The following DENND5A variants were observed in gnomAD, a reference collection of about 807,000 sequenced individuals.
The protein encoded by DENND5A is DENN domain-containing protein 5A.
DENND5A carries 64 observed loss-of-function variants against 140.3 expected under a neutral mutation model. The ratio of observed to expected loss-of-function variants is 0.46; its 90% CI spans 0.37 to 0.56. The LOEUF is 0.56. Among genes scored for constraint, DENND5A ranks in the 20% least tolerant of loss-of-function variants. DENND5A has a pLI of 0.00. For missense variants in DENND5A, 1,292 were observed against 1,593.8 expected (o/e 0.81, Z 3.22); for synonymous variants, 605 against 607.7 (o/e 1.00, Z 0.07).
chr11:9,262,258 A>G (rs1423102096), intron 1 of DENND5A, among the ~76,000 whole-genome samples: 1 of 152,200 alleles, frequency 6.6e-6, no homozygotes, highest in African/African-American at 2.4e-5. Flanking sequence ...ATATTACCCT[A>G]AACTCATGCT....
intron 6 of DENND5A, among the ~76,000 whole-genome samples, chr11:9,179,588 C>G (rs1466803222): frequency 6.6e-6 from 1 of 151,810 alleles, no homozygotes. Context: ...CAACCTCTGC[C>G]TCCCAGGTTC....
At chr11:9,177,084 G>C (rs1225189948) in intron 8 of DENND5A, among the ~76,000 whole-genome samples, 1 of 151,840 alleles carries the variant, frequency 6.6e-6, no homozygotes, top group African/African-American at 2.4e-5. Context: ...GCGAGACTCT[G>C]TCTCTAAAAA....
intron 4 of DENND5A, among the ~76,000 whole-genome samples, chr11:9,201,231 C>T (rs913568527): frequency 2.0e-5 from 3 of 150,992 alleles, no homozygotes; most frequent in African/African-American, 7.3e-5. Context: ...TTTAATTAGC[C>T]AGGCATGGTG....
chr11:9,155,329 T>C (rs569256125), intron 12 of DENND5A, among the ~76,000 whole-genome samples: 2 of 152,242 alleles, frequency 1.3e-5, no homozygotes, highest in African/African-American at 2.4e-5. Context: ...GATAAATTAA[T>C]AGAACTGTCT....
At chr11:9,207,260 T>G in intron 2 of DENND5A, 1 of 488,638 alleles carries the variant, frequency 2.0e-6, no homozygotes, top group East Asian at 4.5e-5. Context: ...ACGAAGCAGA[T>G]TTCAGGGTAA....
At chr11:9,170,042 A>T (rs1848320667) in intron 9 of DENND5A, 93 bp from the exon 10 acceptor site, 3 of 968,314 alleles carry the variant, frequency 3.1e-6, no homozygotes, top group Non-Finnish European at 4.9e-6. Context: ...ACTACGAGTC[A>T]ATGCTGGACA....
At chr11:9,158,212 T>C (rs922170856) in intron 12 of DENND5A, among the ~76,000 whole-genome samples, 2 of 152,146 alleles carry the variant, frequency 1.3e-5, no homozygotes, top group Non-Finnish European at 1.5e-5. Flanking sequence ...ACATTAATTA[T>C]CGAATCCACA....
At chr11:9,231,749 T>TGTTA (rs1850783424) in intron 1 of DENND5A, among the ~76,000 whole-genome samples, 2 of 148,440 alleles carry the variant, frequency 1.3e-5, no homozygotes, top group Admixed American at 6.8e-5. Flanking sequence ...GGGAGCTTCC[T>TGTTA]GTTAGTTTAC....
At chr11:9,231,659 G>A (rs1302328544) in intron 1 of DENND5A, among the ~76,000 whole-genome samples, 2 of 142,298 alleles carry the variant, frequency 1.4e-5, no homozygotes, top group African/African-American at 5.2e-5. Context: ...AGGTTGCAGT[G>A]AGCCGAGATC....
intron 1 of DENND5A, among the ~76,000 whole-genome samples, chr11:9,256,898 C>G (rs1357763553): frequency 6.6e-6 from 1 of 152,132 alleles, no homozygotes; most frequent in Non-Finnish European, 1.5e-5. Context: ...CGAATTATAT[C>G]TCAATAAAAT....
At position 9,203,730 on chromosome 11, in the gene DENND5A, G is replaced by T; in HGVS notation, c.879C>A (p.Leu293=). 1 of 1,614,080 alleles carries T rather than the reference G, an allele frequency of 6.2e-7. No homozygotes were observed. Among genetic ancestry groups the T allele is most frequent in the Non-Finnish European group, 8.5e-7 (1 of 1,180,010 alleles). Residue 293 remains leucine, a synonymous_variant, in exon 4 of 23, where the codon CTC becomes CTA. Transcript: ENST00000328194. ...DFPVKEVFEL[L]GVENVFQLFT... ...AAAGCTGAAACACATTCTCCACCCCGAGCAGTTCAAAAACCTCTTTGACAG... is the reference window on the plus strand; with the variant it reads ...AAAGCTGAAACACATTCTCCACCCCTAGCAGTTCAAAAACCTCTTTGACAG...
At chr11:9,259,955 C>T (rs1257699446) in intron 1 of DENND5A, among the ~76,000 whole-genome samples, 1 of 141,338 alleles carries the variant, frequency 7.1e-6, no homozygotes, top group Non-Finnish European at 1.5e-5. Flanking sequence ...TTGAACCAGA[C>T]AGGCAGAGGT....
At chr11:9,192,951 A>G (rs1039191576) in intron 5 of DENND5A, among the ~76,000 whole-genome samples, 15 of 152,244 alleles carry the variant, frequency 9.9e-5, no homozygotes, top group African/African-American at 3.6e-4. Flanking sequence ...TTAGCCAGGC[A>G]CAGTGGCTCA....
Position 9,160,870 on chromosome 11 carries a change from A to C in DENND5A, c.2284-5T>G. The C allele has an allele frequency of 6.2e-7, 1 of 1,613,678 alleles. No individual in the cohort carries two copies. The highest frequency in any genetic ancestry group is 8.5e-7 in the Non-Finnish European group (1 of 1,179,618). ...TTCCACCAGCATCCTCTTGGTCTAC[A>C]AGGAAGCAGTCAACAGGATTAAATA... On this transcript the variant is annotated splice_polypyrimidine_tract_variant and splice_region_variant and intron_variant, in intron 11 of 22. Coordinates refer to ENST00000328194, the MANE Select transcript of DENND5A (RefSeq NM_015213.4).
At chr11:9,173,428 G>A (rs1440107605) in intron 8 of DENND5A, among the ~76,000 whole-genome samples, 1 of 152,218 alleles carries the variant, frequency 6.6e-6, no homozygotes, top group African/African-American at 2.4e-5. Flanking sequence ...AAATGACCAT[G>A]TAGTGTTAGG....
rs1160698363 is a variant in DENND5A at position 9,197,718 on chromosome 11, C to T, written c.950-4037G>A. On this transcript the variant is annotated intron_variant, in intron 4 of 22. Coordinates refer to ENST00000328194, the MANE Select transcript of DENND5A (RefSeq NM_015213.4). ...TTAAAAAAAAGTGAGTTGGGGAGAA[C>T]CTTCAACTTTCTCTGCATTATTTGT... Among the ~76,000 whole-genome samples, 4 of 151,774 alleles carry T rather than the reference C, an allele frequency of 2.6e-5. No individual in the cohort carries two copies. In the East Asian group the frequency reaches 7.7e-4, roughly 29 times the overall value.
At chr11:9,232,873 G>A (rs1850830775) in intron 1 of DENND5A, among the ~76,000 whole-genome samples, 1 of 152,094 alleles carries the variant, frequency 6.6e-6, no homozygotes, top group Admixed American at 6.6e-5. Context: ...TCACACAATG[G>A]CAAACTCTAC....
chr11:9,217,087 T>G (rs899598046), intron 1 of DENND5A, among the ~76,000 whole-genome samples: 6 of 152,048 alleles, frequency 3.9e-5, no homozygotes, highest in African/African-American at 1.4e-4. Context: ...AACAGATGAA[T>G]GAAATGTATA....
chr11:9,246,361 C>T (rs552666561), intron 1 of DENND5A, among the ~76,000 whole-genome samples: 108 of 152,152 alleles, frequency 7.1e-4, no homozygotes, highest in African/African-American at 2.3e-3. Flanking sequence ...GCCTGTAATC[C>T]CAGCACTTTG....
Sources: gnomAD v4.1 joint callset for allele counts (sites outside exome capture counted in the v4.1 genomes callset) on GRCh38, gnomAD v4.1.1 for gene constraint, MANE v1.5 for transcripts, NCBI Gene and HGNC (gene_info 2026-07-23, HGNC 2026-07-21) for gene names.